Variants in MITF observed in about 807,000 individuals in gnomAD.
MITF encodes the protein melanocyte inducing transcription factor.
MITF carries 17 observed loss-of-function variants against 60.5 expected under a neutral mutation model. That is an observed-to-expected ratio of 0.28 (90% confidence interval 0.19 to 0.42). The LOEUF is 0.42. Among genes scored for constraint, MITF ranks in the 10% least tolerant of loss-of-function variants. MITF has a pLI of 1.00. For synonymous variants in MITF, 260 were observed against 248.5 expected (o/e 1.05, Z -0.43); for missense variants, 622 against 683.5 (o/e 0.91, Z 1.00).
chr3:69,869,846 C>T (rs998699127), intron 1 of MITF, among the ~76,000 whole-genome samples: 1 of 152,054 alleles, frequency 6.6e-6, no homozygotes, highest in African/African-American at 2.4e-5. Context: ...TGAGATGGGT[C>T]GTATGAAGCT....
chr3:69,885,077 T>C (rs1039462438), intron 2 of MITF, among the ~76,000 whole-genome samples: 1 of 152,086 alleles, frequency 6.6e-6, no homozygotes, highest in Non-Finnish European at 1.5e-5. Flanking sequence ...CTGGGTTTTG[T>C]ACAGCACAAT....
intron 1 of MITF, among the ~76,000 whole-genome samples, chr3:69,807,986 T>C (rs1303930342): frequency 1.3e-5 from 2 of 150,286 alleles, no homozygotes; most frequent in Non-Finnish European, 3.0e-5. Context: ...AATATGTAAA[T>C]AATATATAGA....
intron 1 of MITF, among the ~76,000 whole-genome samples, chr3:69,743,662 G>A (rs1703615880): frequency 6.6e-6 from 1 of 152,194 alleles, no homozygotes; most frequent in Admixed American, 6.5e-5. Flanking sequence ...CCTCCGACAA[G>A]GTTTTAGAAA....
At chr3:69,947,783 C>A (rs2066136874) in intron 5 of MITF, among the ~76,000 whole-genome samples, 1 of 152,114 alleles carries the variant, frequency 6.6e-6, no homozygotes, top group African/African-American at 2.4e-5. Context: ...CCATTGCCTC[C>A]CACCCAAATC....
At chr3:69,787,008 C>A (rs1404721980) in intron 1 of MITF, among the ~76,000 whole-genome samples, 1 of 152,120 alleles carries the variant, frequency 6.6e-6, no homozygotes, top group East Asian at 1.9e-4. Flanking sequence ...GTTGCTGGTT[C>A]CACTTCGTGA....
intron 2 of MITF, among the ~76,000 whole-genome samples, chr3:69,879,866 C>T (rs1329717807): frequency 6.6e-6 from 1 of 152,144 alleles, no homozygotes; most frequent in Non-Finnish European, 1.5e-5. Context: ...GATAACCAGA[C>T]TACATAATCC....
chr3:69,770,241 A>G (rs1279754579), intron 1 of MITF, among the ~76,000 whole-genome samples: 1 of 152,174 alleles, frequency 6.6e-6, no homozygotes, highest in Non-Finnish European at 1.5e-5. Flanking sequence ...AGTATATAGT[A>G]TGATGTTGCT....
At chr3:69,963,811 AGTT>A in intron 9 of MITF, among the ~76,000 whole-genome samples, 1 of 152,200 alleles carries the variant, frequency 6.6e-6, no homozygotes, top group East Asian at 1.9e-4. Flanking sequence ...TGAGTTTAGT[AGTT>A]CTCAGGTAGT....
rs1337491137 is a variant in MITF, at chr3:69,802,708, T to C, written c.104+63007T>C. 4.4e-5 allele frequency among the ~76,000 whole-genome samples: 6 copies of C among 137,120 alleles called. No individual in the cohort carries two copies. The East Asian group carries it at 1.2e-3, about 28-fold the overall frequency. The allele number at this position is 137,120 out of a possible 152,430, so 90.0% of individuals were successfully genotyped here. A position where few individuals can be genotyped will look rare whatever the true frequency, so the allele number is the denominator to read the frequency against. On this transcript the variant is annotated intron_variant, in intron 1 of 9. Transcript: ENST00000352241. The stretch of plus-strand genomic sequence containing the variant: ...CTTTTTTTTTTTTTTTTTTTTTTTT[T>C]TAGAGGATGTTTGGCTCTTATTGCC...
At chr3:69,919,861 G>A (rs2065423125) in intron 2 of MITF, among the ~76,000 whole-genome samples, 1 of 152,034 alleles carries the variant, frequency 6.6e-6, no homozygotes, top group Non-Finnish European at 1.5e-5. Flanking sequence ...TGCTGCTGCT[G>A]TTGTTGTTTT....
intron 1 of MITF, among the ~76,000 whole-genome samples, chr3:69,777,614 C>CG (rs1673557489): frequency 6.6e-6 from 1 of 151,960 alleles, no homozygotes; most frequent in Admixed American, 6.6e-5. Flanking sequence ...TGCTAATGGT[C>CG]GCATCAAGGC....
At chr3:69,906,590 A>T (rs571975999) in intron 2 of MITF, among the ~76,000 whole-genome samples, 2 of 152,284 alleles carry the variant, frequency 1.3e-5, no homozygotes, top group East Asian at 3.9e-4. Flanking sequence ...TAGCAGAGGG[A>T]TGAGTTATAT....
intron 1 of MITF, among the ~76,000 whole-genome samples, chr3:69,754,622 TCTC>T (rs1704060451): frequency 6.6e-6 from 1 of 150,420 alleles, no homozygotes; most frequent in African/African-American, 2.5e-5. Flanking sequence ...CAATTACATC[TCTC>T]TTTTTTTTTT....
At chr3:69,796,494 CTTTTTTTT>C (rs767834091) in intron 1 of MITF, among the ~76,000 whole-genome samples, 1 of 80,328 alleles carries the variant, frequency 1.2e-5, no homozygotes, top group Non-Finnish European at 2.6e-5. Flanking sequence ...CACCGTCTTT[CTTTTTTTT>C]TTTTTTTTTT....
intron 5 of MITF, 152 bp from the exon 6 acceptor site, chr3:69,948,899 A>T: frequency 1.5e-6 from 1 of 654,770 alleles, no homozygotes; most frequent in Middle Eastern, 4.1e-4. Context: ...GTGAATGAAA[A>T]AGTAAACATC....
At chr3:69,918,224 C>T (rs2065380766) in intron 2 of MITF, among the ~76,000 whole-genome samples, 1 of 152,068 alleles carries the variant, frequency 6.6e-6, no homozygotes, top group African/African-American at 2.4e-5. Flanking sequence ...ACCACCATGC[C>T]TCGCTAAATT....
At chr3:69,871,457 GTACTT>G (rs1435816796) in intron 1 of MITF, among the ~76,000 whole-genome samples, 1 of 152,168 alleles carries the variant, frequency 6.6e-6, no homozygotes, top group Non-Finnish European at 1.5e-5. Flanking sequence ...GTTAAATCAG[GTACTT>G]TACCAAACAA....
intron 2 of MITF, among the ~76,000 whole-genome samples, chr3:69,883,644 T>G (rs1393804115): frequency 6.6e-6 from 1 of 152,104 alleles, no homozygotes; most frequent in East Asian, 1.9e-4. Context: ...TTGTTTCTGG[T>G]TTATTTAGCC....
intron 1 of MITF, among the ~76,000 whole-genome samples, chr3:69,779,860 G>C (rs1470637157): frequency 6.6e-6 from 1 of 152,088 alleles, no homozygotes; most frequent in Non-Finnish European, 1.5e-5. Context: ...CTTTTAAAGG[G>C]AAATCCATGA....
Sources: allele counts gnomAD v4.1 joint callset (sites outside exome capture counted in the v4.1 genomes callset), GRCh38; gene constraint gnomAD v4.1.1; transcripts MANE v1.5; gene names NCBI Gene and HGNC (gene_info 2026-07-23, HGNC 2026-07-21).